The following CLIC5 variants were observed in gnomAD, a reference collection of about 807,000 sequenced individuals.
CLIC5 encodes chloride intracellular channel protein 5.
A neutral mutation model predicts 24.7 loss-of-function variants in CLIC5; 20 were observed. The ratio of observed to expected loss-of-function variants is 0.81; its 90% CI spans 0.57 to 1.18. The LOEUF (loss-of-function observed/expected upper bound fraction) is 1.18. CLIC5 is among the 50% of genes most tolerant of loss of function. The pLI is 0.00. For synonymous variants in CLIC5, 159 were observed against 135.6 expected (o/e 1.17, Z -1.20); for missense variants, 341 against 326.1 (o/e 1.05, Z -0.35).
intron 1 of CLIC5, among the ~76,000 whole-genome samples, chr6:45,960,644 C>T (rs765822897): frequency 6.6e-5 from 10 of 152,188 alleles, no homozygotes; most frequent in Non-Finnish European, 1.5e-4. Flanking sequence ...ACCAAAGTCC[C>T]CATTAAGCCT....
chr6:46,092,865 T>C, the CLIC5 span, among the ~76,000 whole-genome samples: 29 of 152,284 alleles, frequency 1.9e-4, 1 homozygote, highest in South Asian at 6.0e-3. Flanking sequence ...TACTAAGAAC[T>C]CTCCTTTAAT....
chr6:46,096,088 C>A, the CLIC5 span, among the ~76,000 whole-genome samples: 18 of 152,160 alleles, frequency 1.2e-4, no homozygotes, highest in African/African-American at 4.1e-4. Context: ...GAAGGCAAAG[C>A]CTGAACAGTC....
intron 4 of CLIC5, among the ~76,000 whole-genome samples, chr6:45,916,739 T>G (rs1191154451): frequency 6.6e-6 from 1 of 152,238 alleles, no homozygotes; most frequent in Non-Finnish European, 1.5e-5. Flanking sequence ...CCTCCGGTAA[T>G]TCCTCGAGAT....
In CLIC5 at chr6:46,069,887, C is replaced by T. The variant is rs1762545459; in HGVS notation, c.540+9816G>A. Among the ~76,000 whole-genome samples the T allele has an allele frequency of 6.6e-5, 10 of 152,270 alleles. No homozygotes were observed. The South Asian group carries it at 2.1e-3, about 32-fold the overall frequency. ...AGCTTATCCACCATGATCAAGTAAG[C>T]TTTATCCCTGGGATGCAAGGTTGGT... On this transcript the variant is annotated intron_variant, in intron 1 of 5. Transcript: ENST00000185206.
intron 1 of CLIC5, among the ~76,000 whole-genome samples, chr6:45,960,010 G>A (rs906238830): frequency 2.6e-5 from 4 of 151,786 alleles, no homozygotes; most frequent in African/African-American, 4.8e-5. Context: ...ACTTACCCAC[G>A]AAATACCAAT....
chr6:46,067,577 G>A (rs764546328), intron 1 of CLIC5, among the ~76,000 whole-genome samples: 2 of 152,200 alleles, frequency 1.3e-5, no homozygotes, highest in African/African-American at 4.8e-5. Context: ...GGCTTCCACA[G>A]GCTGCTCCTT....
intron 1 of CLIC5, among the ~76,000 whole-genome samples, chr6:46,072,664 T>C (rs1207854863): frequency 1.3e-5 from 2 of 152,198 alleles, no homozygotes; most frequent in African/African-American, 4.8e-5. Context: ...CACATGATTA[T>C]TTGGTGATGC....
intron 1 of CLIC5, among the ~76,000 whole-genome samples, chr6:45,968,394 G>A (rs1274740900): frequency 2.0e-5 from 3 of 152,148 alleles, no homozygotes; most frequent in Non-Finnish European, 2.9e-5. Flanking sequence ...GCAGGTGTCT[G>A]CCAGAAACTG....
At chr6:45,923,909 G>A (rs889830031) in intron 4 of CLIC5, among the ~76,000 whole-genome samples, 17 of 152,116 alleles carry the variant, frequency 1.1e-4, no homozygotes, top group Non-Finnish European at 4.4e-5. Flanking sequence ...TTGCTTAACC[G>A]GTGCTTGTTT....
the CLIC5 span, among the ~76,000 whole-genome samples, chr6:46,110,693 G>A: frequency 6.6e-6 from 1 of 152,138 alleles, no homozygotes; most frequent in East Asian, 1.9e-4. Flanking sequence ...TCAAGATCTT[G>A]TGGGACCTCA....
At chr6:45,924,063 A>C (rs182773501) in intron 4 of CLIC5, among the ~76,000 whole-genome samples, 1 of 152,358 alleles carries the variant, frequency 6.6e-6, no homozygotes, top group East Asian at 1.9e-4. Context: ...TGTGCAACGC[A>C]TGATGATGCT....
Position 45,900,511 on chromosome 6 carries a change from G to A in CLIC5, c.*2577C>T, listed in dbSNP as rs1439963560. On this transcript the variant is annotated 3_prime_UTR_variant, in exon 6 of 6. Transcript: ENST00000339561. ...AAGGCCAGACAGGCTGAAGCATCTG[G>A]AGAAAGATCTCTTTTGAAACAAAAA... 1 of 123,284 alleles carries A rather than the reference G, an allele frequency of 8.1e-6. No individual in the cohort carries two copies. Among genetic ancestry groups the A allele is most frequent in the Non-Finnish European group, 1.6e-5 (1 of 62,948 alleles). The allele number at this position is 123,284 out of a possible 1,614,324, so 7.6% of individuals were successfully genotyped here. A position where few individuals can be genotyped will look rare whatever the true frequency, so the allele number is the denominator to read the frequency against.
At chr6:46,079,729 T>A in exon 1 of CLIC5, 1 of 1,551,660 alleles carries the variant, frequency 6.4e-7, no homozygotes, top group Non-Finnish European at 8.7e-7. Context: ...ATCTCAGGGT[T>A]CATGTGAGCT....
rs563605290 is a variant in CLIC5 at position 45,923,336 on chromosome 6, AG to A, written c.407-8928del. Among the ~76,000 whole-genome samples, 105 of 152,356 alleles carry A rather than the reference AG, an allele frequency of 6.9e-4. 1 individual carries two copies. Among genetic ancestry groups the A allele is most frequent in the African/African-American group, 2.5e-3 (104 of 41,590 alleles). ...TTATCAGTCATCCGTTCCAGCGTTTAGACCTAGAGATTTTTCTCAATTCTCC... is the reference window on the plus strand; with the variant it reads ...TTATCAGTCATCCGTTCCAGCGTTTAACCTAGAGATTTTTCTCAATTCTCC... On this transcript the variant is annotated intron_variant, in intron 4 of 5. Transcript: ENST00000339561.
the CLIC5 span, among the ~76,000 whole-genome samples, chr6:46,125,225 C>T: frequency 6.6e-6 from 1 of 152,186 alleles, no homozygotes; most frequent in African/African-American, 2.4e-5. Flanking sequence ...GGCACATATA[C>T]ACCACAGAAT....
intron 5 of CLIC5, among the ~76,000 whole-genome samples, chr6:45,907,765 G>T (rs1762701827): frequency 6.6e-6 from 1 of 152,096 alleles, no homozygotes; most frequent in South Asian, 2.1e-4. Flanking sequence ...TATTGACTTT[G>T]TATACTGAAC....
intron 1 of CLIC5, among the ~76,000 whole-genome samples, chr6:46,025,018 T>C (rs1356772583): frequency 1.3e-5 from 2 of 152,118 alleles, no homozygotes; most frequent in Admixed American, 1.3e-4. Context: ...TAAAAAATAA[T>C]AAATAATGTC....
intron 1 of CLIC5, among the ~76,000 whole-genome samples, chr6:46,060,936 G>A (rs1209635568): frequency 2.0e-5 from 3 of 152,208 alleles, no homozygotes; most frequent in Non-Finnish European, 4.4e-5. Flanking sequence ...CCCACAGAAA[G>A]AACGAACCCC....
chr6:46,036,650 A>G (rs1408911098), intron 1 of CLIC5, among the ~76,000 whole-genome samples: 1 of 152,150 alleles, frequency 6.6e-6, no homozygotes, highest in Non-Finnish European at 1.5e-5. Flanking sequence ...TCTTACAGTT[A>G]TTTGTATTTA....
Sources: allele counts gnomAD v4.1 joint callset (sites outside exome capture counted in the v4.1 genomes callset), GRCh38; gene constraint gnomAD v4.1.1; transcripts MANE v1.5; gene names NCBI Gene and HGNC (gene_info 2026-07-23, HGNC 2026-07-21).